TLN2: variants seen among roughly 807,000 people sequenced by gnomAD.
The protein encoded by TLN2 is talin-2.
In TLN2, 118 loss-of-function variants were observed where a neutral mutation model predicts 294.7. The ratio of observed to expected loss-of-function variants is 0.40; its 90% CI spans 0.34 to 0.47. TLN2 has a LOEUF of 0.47. Ranked by LOEUF, TLN2 falls within the 20% of genes least tolerant of loss-of-function variation. The pLI, the probability that TLN2 is intolerant of heterozygous loss-of-function variation, is 0.84. For synonymous variants in TLN2, 1,431 were observed against 1,304.5 expected (o/e 1.10, Z -2.09); for missense variants, 3,083 against 3,282.2 (o/e 0.94, Z 1.48).
intron 1 of TLN2, among the ~76,000 whole-genome samples, chr15:62,412,612 A>G (rs2033838195): frequency 6.6e-6 from 1 of 152,162 alleles, no homozygotes; most frequent in South Asian, 2.1e-4. Flanking sequence ...TTCAAATGTA[A>G]GAGTCAGCAA....
chr15:62,662,119 A>G (rs889977850), intron 9 of TLN2, among the ~76,000 whole-genome samples: 7 of 152,152 alleles, frequency 4.6e-5, no homozygotes, highest in African/African-American at 1.7e-4. Flanking sequence ...CAGAGAATCA[A>G]TAAACCCAAA....
chr15:62,524,417 G>C (rs973989151), intron 1 of TLN2, among the ~76,000 whole-genome samples: 1 of 152,094 alleles, frequency 6.6e-6, no homozygotes, highest in African/African-American at 2.4e-5. Context: ...TTTAGGCATG[G>C]ACCTGCCTCA....
intron 22 of TLN2, among the ~76,000 whole-genome samples, chr15:62,712,285 G>A (rs2059474386): frequency 6.6e-6 from 1 of 152,208 alleles, no homozygotes; most frequent in African/African-American, 2.4e-5. Context: ...TACTGACTCA[G>A]CCATAGTAGC....
At chr15:62,778,222 G>A (rs560916435) in intron 43 of TLN2, among the ~76,000 whole-genome samples, 6 of 152,288 alleles carry the variant, frequency 3.9e-5, no homozygotes, top group East Asian at 3.9e-4. Flanking sequence ...TTTAGAGGCC[G>A]CAGGCTCTAC....
intron 1 of TLN2, among the ~76,000 whole-genome samples, chr15:62,529,602 G>T (rs1382660382): frequency 1.3e-5 from 2 of 149,870 alleles, no homozygotes; most frequent in Non-Finnish European, 2.9e-5. Flanking sequence ...ACAGAGGGTG[G>T]ATAAGTAGGG....
chr15:62,793,554 G>A (rs2065232072), intron 46 of TLN2, among the ~76,000 whole-genome samples: 1 of 152,162 alleles, frequency 6.6e-6, no homozygotes. Flanking sequence ...AATAAATCTA[G>A]CTACTGTTTT....
At position 62,571,569 on chromosome 15, in the gene TLN2, T is replaced by A. The variant is rs185563728; in HGVS notation, c.-237-18118T>A. Among the ~76,000 whole-genome samples, 251 of 152,340 alleles carry A rather than the reference T, an allele frequency of 1.6e-3. 2 individuals are homozygous for A. Among genetic ancestry groups the A allele is most frequent in the African/African-American group, 5.7e-3 (238 of 41,564 alleles). On this transcript the variant is annotated intron_variant, in intron 1 of 58. Coordinates refer to ENST00000636159, the MANE Select transcript of TLN2 (RefSeq NM_015059.3). ...TACAATTAAGTTAAAAACAAGGTAC[T>A]TTACCTTCATGTGTTGCCTCCTGTT...
chr15:62,435,631 T>A (rs2035249375), intron 1 of TLN2, among the ~76,000 whole-genome samples: 1 of 152,206 alleles, frequency 6.6e-6, no homozygotes, highest in Non-Finnish European at 1.5e-5. Flanking sequence ...AACTTCTGCC[T>A]CCCGGGTTCG....
At chr15:62,739,183 G>T (rs1313191168) in intron 30 of TLN2, among the ~76,000 whole-genome samples, 165 bp from the exon 31 acceptor site, 2 of 152,174 alleles carry the variant, frequency 1.3e-5, no homozygotes, top group Non-Finnish European at 2.9e-5. Context: ...GTATATGTTG[G>T]TGGTCAAACC....
At chr15:62,519,538 T>C (rs1477195934) in intron 1 of TLN2, among the ~76,000 whole-genome samples, 1 of 152,230 alleles carries the variant, frequency 6.6e-6, no homozygotes, top group Non-Finnish European at 1.5e-5. Context: ...CTTTGCAGAA[T>C]AGAGAACTGT....
intron 32 of TLN2, among the ~76,000 whole-genome samples, 158 bp from the exon 33 acceptor site, chr15:62,748,193 G>T (rs1161812959): frequency 6.6e-6 from 1 of 151,914 alleles, no homozygotes; most frequent in Non-Finnish European, 1.5e-5. Flanking sequence ...CCTGGGTGTG[G>T]TTTATTTTTG....
chr15:62,670,134 A>G (rs927179182), intron 9 of TLN2, among the ~76,000 whole-genome samples: 1 of 152,154 alleles, frequency 6.6e-6, no homozygotes, highest in Non-Finnish European at 1.5e-5. Flanking sequence ...AGTGACAGCC[A>G]TTGCTCTGAG....
chr15:62,690,856 A>T (rs1360301451), intron 12 of TLN2, among the ~76,000 whole-genome samples: 2 of 151,826 alleles, frequency 1.3e-5, no homozygotes, highest in Admixed American at 1.3e-4. Flanking sequence ...ACCAAAAAAA[A>T]TACGAAAACC....
At chr15:62,662,349 A>C (rs2053945293) in intron 9 of TLN2, among the ~76,000 whole-genome samples, 1 of 152,230 alleles carries the variant, frequency 6.6e-6, no homozygotes, top group Non-Finnish European at 1.5e-5. Context: ...AAAAAACAAC[A>C]AACACTAGGC....
chr15:62,489,575 CAAAGT>C (rs2038595000), intron 1 of TLN2, among the ~76,000 whole-genome samples: 1 of 152,130 alleles, frequency 6.6e-6, no homozygotes, highest in Admixed American at 6.5e-5. Context: ...CTGGTGGTTT[CAAAGT>C]AAAGTCTACA....
intron 1 of TLN2, among the ~76,000 whole-genome samples, chr15:62,420,033 T>G (rs1213596546): frequency 6.6e-6 from 1 of 152,226 alleles, no homozygotes; most frequent in Non-Finnish European, 1.5e-5. Context: ...GATCCCACTT[T>G]GCTTTGTTCT....
At chr15:62,417,274 C>G (rs1182043909) in intron 1 of TLN2, among the ~76,000 whole-genome samples, 1 of 152,174 alleles carries the variant, frequency 6.6e-6, no homozygotes, top group Non-Finnish European at 1.5e-5. Context: ...GTGCTTCCTT[C>G]GGCATCTTTG....
At chr15:62,412,804 G>A (rs2033850530) in intron 1 of TLN2, among the ~76,000 whole-genome samples, 1 of 152,202 alleles carries the variant, frequency 6.6e-6, no homozygotes, top group Non-Finnish European at 1.5e-5. Context: ...CGAGGCACTT[G>A]CCAAATGGCT....
chr15:62,740,520 A>G, intron 31 of TLN2, 110 bp from the exon 32 acceptor site: 1 of 1,464,054 alleles, frequency 6.8e-7, no homozygotes, highest in Non-Finnish European at 9.3e-7. Context: ...GTTTAATGTG[A>G]TCTATACGGA....
Sources: allele counts gnomAD v4.1 joint callset (sites outside exome capture counted in the v4.1 genomes callset), GRCh38; gene constraint gnomAD v4.1.1; transcripts MANE v1.5; gene names NCBI Gene and HGNC (gene_info 2026-07-23, HGNC 2026-07-21).